Variants in GTF3C3 observed in about 807,000 individuals in gnomAD.
The protein encoded by GTF3C3 is general transcription factor 3C polypeptide 3.
GTF3C3 carries 75 observed loss-of-function variants against 105.2 expected under a neutral mutation model. The ratio of observed to expected loss-of-function variants is 0.71; its 90% CI spans 0.59 to 0.86. The LOEUF (loss-of-function observed/expected upper bound fraction) is 0.86. Among genes scored for constraint, GTF3C3 ranks in the 40% least tolerant of loss-of-function variants. The pLI, the probability that GTF3C3 is intolerant of heterozygous loss-of-function variation, is 0.00. For missense variants in GTF3C3, 856 were observed against 1,076.5 expected (o/e 0.80, Z 2.87); for synonymous variants, 335 against 370.4 (o/e 0.90, Z 1.10).
At chr2:196,789,434 A>G in intron 5 of GTF3C3, 65 bp from the exon 6 acceptor site, 1 of 1,095,940 alleles carries the variant, frequency 9.1e-7, no homozygotes, top group Admixed American at 2.7e-5. Flanking sequence ...GGTGTGATCC[A>G]TCATCTCAGA....
intron 9 of GTF3C3, 56 bp from the exon 10 acceptor site, chr2:196,779,123 T>G: frequency 4.0e-6 from 5 of 1,247,060 alleles, no homozygotes; most frequent in Non-Finnish European, 5.7e-6. Flanking sequence ...TGCACATCTA[T>G]CTATAGCTTT....
chr2:196,779,117 CATCT>C, intron 9 of GTF3C3, 50 bp from the exon 10 acceptor site: 1 of 1,293,938 alleles, frequency 7.7e-7, no homozygotes, highest in Non-Finnish European at 1.1e-6. Flanking sequence ...CAAACGTGCA[CATCT>C]ATCTATAGCT....
intron 1 of GTF3C3, chr2:196,799,170 T>G (rs943081775): frequency 9.3e-6 from 2 of 215,146 alleles, no homozygotes; most frequent in Non-Finnish European, 1.9e-5. Flanking sequence ...CAAAACGACT[T>G]AGTGGCAAAG....
rs1348506946 is a variant in GTF3C3 at position 196,764,336 on chromosome 2, C to CTATAGAATGTGAAA, written c.*213_*226dup. On this transcript the variant is annotated 3_prime_UTR_variant, in exon 18 of 18. Coordinates refer to ENST00000263956, the MANE Select transcript of GTF3C3 (RefSeq NM_012086.5). ...CCATTTCAACATTGGGAACAATTCA[C>CTATAGAATGTGAAA]TATAGAATGTGAAAGGAAAATGACA... is the stretch of plus-strand genomic sequence containing the variant. 5.2e-6 allele frequency: 2 copies of CTATAGAATGTGAAA among 385,436 alleles called. No homozygotes were observed. Among genetic ancestry groups the CTATAGAATGTGAAA allele is most frequent in the African/African-American group, 4.0e-5 (2 of 49,566 alleles). 23.9% of individuals were successfully genotyped at this position (385,436 alleles called of 1,614,324 possible). A position where few individuals can be genotyped will look rare whatever the true frequency, so the allele number is the denominator to read the frequency against.
rs781403022 is a variant in GTF3C3 at position 196,791,388 on chromosome 2, G to A, written c.484C>T (p.Arg162Ter). The change falls in exon 4 of 18, where the codon CGA (arginine) becomes TGA (stop). Residue 162 changes from arginine (R) to a stop codon, truncating the protein, a stop_gained. Coordinates refer to ENST00000263956, the MANE Select transcript of GTF3C3 (RefSeq NM_012086.5). LOFTEE classifies it high-confidence loss of function. Reference protein sequence around the residue: ...LMGEANIRFARGEREEAILMC... With the variant: ...LMGEANIRFA ...AATATCGCCTCTTCACGTTCTCCTC[G>A]AGCAAAACGAATGTTGGCTTCACCC... 1.2e-6 allele frequency: 2 copies of A among 1,613,854 alleles called. No homozygotes were observed. The highest frequency in any genetic ancestry group is 1.7e-6 in the Non-Finnish European group (2 of 1,179,902).
At chr2:196,794,791 G>A (rs1699612004) in intron 2 of GTF3C3, among the ~76,000 whole-genome samples, 1 of 150,678 alleles carries the variant, frequency 6.6e-6, no homozygotes, top group Non-Finnish European at 1.5e-5. Context: ...CTGGAGTGCA[G>A]TGGCACGATC....
At chr2:196,781,357 A>AAAAAAT in intron 8 of GTF3C3, among the ~76,000 whole-genome samples, 9 of 18,818 alleles carry the variant, frequency 4.8e-4, no homozygotes, top group Non-Finnish European at 1.0e-3. Flanking sequence ...AAAAAAAAAA[A>AAAAAAT]ATATATATAT....
At position 196,793,009 on chromosome 2, in the gene GTF3C3, C is replaced by T. The variant is rs1031017121; in HGVS notation, c.358G>A (p.Asp120Asn). ...EETPEQPTAG[D>N]VFVLEMVLNR... ...AGAACCATCTCCAATACAAATACAT[C>T]GCCCGCAGTGGGTTGCTCAGGTGTT... The change falls in exon 3 of 18, where the codon GAT becomes AAT. Residue 120 changes from aspartate (D) to asparagine (N), a missense_variant. Transcript: ENST00000263956. 12 of 1,613,810 alleles carry T rather than the reference C, an allele frequency of 7.4e-6. No individual in the cohort carries two copies. Among genetic ancestry groups the T allele is most frequent in the East Asian group, 2.2e-5 (1 of 44,888 alleles).
At chr2:196,793,359 C>A (rs1487966745) in intron 2 of GTF3C3, among the ~76,000 whole-genome samples, 2 of 152,136 alleles carry the variant, frequency 1.3e-5, no homozygotes, top group East Asian at 1.9e-4. Context: ...CTGACTCATC[C>A]TTTAGGCCTC....
chr2:196,790,170 T>A, intron 4 of GTF3C3, 100 bp from the exon 5 acceptor site: 1 of 659,282 alleles, frequency 1.5e-6, no homozygotes, highest in Non-Finnish European at 2.4e-6. Context: ...TTTAAATACC[T>A]AAACTCTTCA....
Position 196,776,129 on chromosome 2 carries a change from T to A in GTF3C3, c.1594-18A>T. ...TTCAGTTCCTAAACAAATAAGCACA[T>A]GATGATGAGCCTAACAAGATTCCTT... is the stretch of plus-strand genomic sequence containing the variant. On this transcript the variant is annotated intron_variant, in intron 11 of 17. Transcript: ENST00000263956. The surrounding 1 kb of genome is among the most constrained non-coding windows in gnomAD (Gnocchi z 4.5). 1 of 1,258,064 alleles carries A rather than the reference T, an allele frequency of 7.9e-7. No individual in the cohort carries two copies. The highest frequency in any genetic ancestry group is 1.1e-6 in the Non-Finnish European group (1 of 878,964). 77.9% of individuals were successfully genotyped at this position (1,258,064 alleles called of 1,614,324 possible). A position where few individuals can be genotyped will look rare whatever the true frequency, so the allele number is the denominator to read the frequency against.
At chr2:196,777,220 C>A (rs939477347) in intron 10 of GTF3C3, among the ~76,000 whole-genome samples, 7 of 152,130 alleles carry the variant, frequency 4.6e-5, no homozygotes, top group Admixed American at 6.5e-5. Context: ...AGAGAAAGTG[C>A]CCTTTAGAAA....
Position 196,775,269 on chromosome 2 carries a change from A to T in GTF3C3, c.1696-18T>A. On this transcript the variant is annotated intron_variant, in intron 12 of 17. Transcript: ENST00000263956. ...ATTGCTACCTGAATTAAAGATGAAG[A>T]TTTCAGATTCTTTAAACAATAACTG... 1.9e-6 allele frequency: 3 copies of T among 1,591,654 alleles called. No individual in the cohort carries two copies. Among genetic ancestry groups the T allele is most frequent in the African/African-American group, 2.7e-5 (2 of 73,490 alleles).
chr2:196,789,195 C>T lies in GTF3C3; in HGVS notation c.893+9G>A. 1 of 1,591,002 alleles carries T rather than the reference C, an allele frequency of 6.3e-7. No homozygotes were observed. On this transcript the variant is annotated intron_variant, in intron 6 of 17. Coordinates refer to ENST00000263956, the MANE Select transcript of GTF3C3 (RefSeq NM_012086.5). ...AGGAGCAAGTAGATCTGTTTCACTC[C>T]AAACTTACTTTGCCATATCTCTAGC...
intron 15 of GTF3C3, 111 bp from the exon 16 acceptor site, chr2:196,770,150 C>T: frequency 1.1e-6 from 1 of 901,856 alleles, no homozygotes; most frequent in Admixed American, 3.2e-5. Flanking sequence ...GGTGGACATT[C>T]TATCTTAAAT....
At position 196,766,629 on chromosome 2, in the gene GTF3C3, C is replaced by T; in HGVS notation, c.2474G>A (p.Gly825Glu). The T allele has an allele frequency of 6.2e-7, 1 of 1,613,188 alleles. No individual in the cohort carries two copies. Among genetic ancestry groups the T allele is most frequent in the Non-Finnish European group, 8.5e-7 (1 of 1,179,322 alleles). ...ATAGTGGATTGCAAGATGAATCAGC[C>T]CCAACTGATGAAGGCCACGGCCCAA... ...YNLGRGLHQL[G>E]LIHLAIHYYQ... The change falls in exon 17 of 18, where the codon GGG (glycine) becomes GAG (glutamate). Residue 825 changes from glycine to glutamate, a missense_variant. Physicochemically the swap from Gly to Glu is moderately conservative, Grantham distance 98. Around this residue, in one of 3 missense-constraint regions of GTF3C3, gnomAD observed 134 missense variants for 128.9 expected, o/e 1.04. Transcript: ENST00000263956.
rs1300132445 is a variant in GTF3C3 at position 196,775,211 on chromosome 2, G to A, written c.1736C>T (p.Ser579Phe). 1.9e-6 allele frequency: 3 copies of A among 1,609,262 alleles called. No individual in the cohort carries two copies. Among genetic ancestry groups the A allele is most frequent in the Non-Finnish European group, 2.5e-6 (3 of 1,177,874 alleles). ...ATAAAGATGCCTCTCTCCAGACTTG[G>A]AACTGGATATCAAACAAACTTGGGC... is the stretch of plus-strand genomic sequence containing the variant. ...NRAQVCLISSSKSGERHLYLI... is the reference protein window; with the variant it reads ...NRAQVCLISSFKSGERHLYLI... Residue 579 changes from serine to phenylalanine, a missense_variant, in exon 13 of 18, where the codon TCC (serine) becomes TTC (phenylalanine). By Grantham distance (155) the Ser-to-Phe change is radical. This residue lies in a region of GTF3C3 where 605 missense variants were observed against 833.6 expected (regional missense o/e 0.73). Coordinates refer to ENST00000263956, the MANE Select transcript of GTF3C3 (RefSeq NM_012086.5).
Position 196,764,316 on chromosome 2 carries a change from T to TCAA in GTF3C3, c.*244_*246dup, listed in dbSNP as rs1356643372. ...TAGCTCAAAGGCTTACACGTCCATT[T>TCAA]CAACATTGGGAACAATTCACTATAG... On this transcript the variant is annotated 3_prime_UTR_variant, in exon 18 of 18. Coordinates refer to ENST00000263956, the MANE Select transcript of GTF3C3 (RefSeq NM_012086.5). The TCAA allele has an allele frequency of 3.1e-6, 1 of 325,140 alleles. No homozygotes were observed. The highest frequency in any genetic ancestry group is 2.1e-5 in the African/African-American group (1 of 47,910). The allele number at this position is 325,140 out of a possible 1,614,324, so 20.1% of individuals were successfully genotyped here. A position where few individuals can be genotyped will look rare whatever the true frequency, so the allele number is the denominator to read the frequency against.
Position 196,780,784 on chromosome 2 carries a change from A to C in GTF3C3, c.1115-122T>G, listed in dbSNP as rs1366621390. On this transcript the variant is annotated intron_variant, in intron 8 of 17. Coordinates refer to ENST00000263956, the MANE Select transcript of GTF3C3 (RefSeq NM_012086.5). ...TCCACAGTCAATTCTTAGTGTGGCC[A>C]ACTCTATTAATAAGTTCTTATATCT... 3 of 1,199,912 alleles carry C rather than the reference A, an allele frequency of 2.5e-6. No individual in the cohort carries two copies. In the East Asian group the frequency reaches 7.7e-5, roughly 31 times the overall value. The allele number at this position is 1,199,912 out of a possible 1,614,324, so 74.3% of individuals were successfully genotyped here.
Sources: gnomAD v4.1 joint callset for allele counts (sites outside exome capture counted in the v4.1 genomes callset) on GRCh38, gnomAD v4.1.1 for gene constraint, gnomAD v4.1.1 regional missense constraint, Gnocchi (gnomAD v3.1) non-coding constraint, MANE v1.5 for transcripts, NCBI Gene and HGNC (gene_info 2026-07-23, HGNC 2026-07-21) for gene names.